The following KIAA1958 variants were observed in gnomAD, a reference collection of about 807,000 sequenced individuals.
The protein encoded by KIAA1958 is uncharacterized protein KIAA1958.
In KIAA1958, 14 loss-of-function variants were observed where a neutral mutation model predicts 47.2. The observed-to-expected ratio is 0.30, with a 90% CI of 0.20 to 0.46. The LOEUF (loss-of-function observed/expected upper bound fraction) is 0.46, where lower values mean the gene tolerates loss of function less well. Among genes scored for constraint, KIAA1958 ranks in the 20% least tolerant of loss-of-function variants. The probability of loss-of-function intolerance (pLI) is 1.00; values close to 1 mark genes in which losing one functional copy is unlikely to be tolerated. For synonymous variants in KIAA1958, 354 were observed against 353.3 expected (o/e 1.00, Z -0.02); for missense variants, 803 against 909.2 (o/e 0.88, Z 1.50).
At chr9:112,530,941 T>C (rs1213766813) in intron 1 of KIAA1958, among the ~76,000 whole-genome samples, 2 of 152,246 alleles carry the variant, frequency 1.3e-5, no homozygotes, top group Non-Finnish European at 2.9e-5. Flanking sequence ...GAGACTGTTA[T>C]GAAACTGTCA....
intron 1 of KIAA1958, among the ~76,000 whole-genome samples, chr9:112,512,397 A>G (rs1017004375): frequency 1.1e-4 from 17 of 152,316 alleles, no homozygotes; most frequent in Middle Eastern, 3.4e-3. Flanking sequence ...AGAAAACCAT[A>G]TGATCATTTG....
At chr9:112,549,207 A>G (rs964329087) in intron 1 of KIAA1958, among the ~76,000 whole-genome samples, 4 of 152,242 alleles carry the variant, frequency 2.6e-5, no homozygotes, top group Admixed American at 6.5e-5. Context: ...ATGCACCTTT[A>G]TATTGCTTGA....
chr9:112,576,637 G>A (rs1316138531), intron 2 of KIAA1958, among the ~76,000 whole-genome samples: 3 of 152,040 alleles, frequency 2.0e-5, no homozygotes, highest in African/African-American at 7.3e-5. Context: ...CTTACACTTA[G>A]CATTATGTTT....
At chr9:112,567,816 G>C (rs2131166178) in intron 1 of KIAA1958, among the ~76,000 whole-genome samples, 1 of 152,032 alleles carries the variant, frequency 6.6e-6, no homozygotes, top group South Asian at 2.1e-4. Flanking sequence ...AAGTTAGCCG[G>C]GCATGATGGC....
chr9:112,500,070 C>T (rs936467208), intron 1 of KIAA1958, among the ~76,000 whole-genome samples: 1 of 151,986 alleles, frequency 6.6e-6, no homozygotes, highest in Non-Finnish European at 1.5e-5. Context: ...AAGTGATTGC[C>T]TCAGAAGTTT....
chr9:112,596,505 A>T (rs990425746), intron 2 of KIAA1958, among the ~76,000 whole-genome samples: 1 of 152,184 alleles, frequency 6.6e-6, no homozygotes, highest in African/African-American at 2.4e-5. Context: ...TGTTTTGCCT[A>T]TACTTATAAA....
rs1275591388 is a variant in KIAA1958 at position 112,664,354 on chromosome 9, T to C, written c.*4285T>C. On this transcript the variant is annotated 3_prime_UTR_variant, in exon 4 of 4. Coordinates refer to ENST00000337530, the MANE Select transcript of KIAA1958 (RefSeq NM_133465.4). ...TTAAATAAAGTAACCGAATGCTAAA[T>C]ATTATCCTTATCAAACATCCATCAC... 1 of 152,266 alleles carries C rather than the reference T, an allele frequency of 6.6e-6. No individual in the cohort carries two copies. Among genetic ancestry groups the C allele is most frequent in the Non-Finnish European group, 1.5e-5 (1 of 68,052 alleles). The allele number at this position is 152,266 out of a possible 1,614,324, so 9.4% of individuals were successfully genotyped here. A position where few individuals can be genotyped will look rare whatever the true frequency, so the allele number is the denominator to read the frequency against.
chr9:112,494,900 G>C (rs922056574), intron 1 of KIAA1958, among the ~76,000 whole-genome samples: 2 of 151,778 alleles, frequency 1.3e-5, no homozygotes, highest in Non-Finnish European at 2.9e-5. Flanking sequence ...TCATTTTTTA[G>C]TTTTTCAATT....
In KIAA1958 at chr9:112,660,322, A is replaced by C. The variant is rs1177724474; in HGVS notation, c.*253A>C. ...GCTTTTAGAATCTAACACAATGTAT[A>C]ATTGTTACATACAAGAGTGAGGAAA... On this transcript the variant is annotated 3_prime_UTR_variant, in exon 4 of 4. Transcript: ENST00000337530. The C allele has an allele frequency of 1.9e-6, 1 of 520,886 alleles. No individual in the cohort carries two copies. The highest frequency in any genetic ancestry group is 1.9e-5 in the African/African-American group (1 of 52,844). 32.3% of individuals were successfully genotyped at this position (520,886 alleles called of 1,614,324 possible).
chr9:112,555,854 C>T (rs937440244), intron 1 of KIAA1958, among the ~76,000 whole-genome samples: 1 of 152,188 alleles, frequency 6.6e-6, no homozygotes, highest in Admixed American at 6.5e-5. Flanking sequence ...GCGGGCAGAT[C>T]ACTTGAGGTC....
intron 1 of KIAA1958, among the ~76,000 whole-genome samples, chr9:112,488,578 G>T (rs1176901973): frequency 6.6e-6 from 1 of 151,776 alleles, no homozygotes; most frequent in Non-Finnish European, 1.5e-5. Context: ...AGTTACCCAG[G>T]AGATTAAAAA....
At chr9:112,543,992 T>G (rs757094719) in intron 1 of KIAA1958, among the ~76,000 whole-genome samples, 1 of 152,228 alleles carries the variant, frequency 6.6e-6, no homozygotes, top group Non-Finnish European at 1.5e-5. Flanking sequence ...TTCCTTTTAT[T>G]TGTATTGCTA....
chr9:112,598,727 CTG>C (rs968022163), intron 2 of KIAA1958, among the ~76,000 whole-genome samples: 1 of 152,084 alleles, frequency 6.6e-6, no homozygotes, highest in Non-Finnish European at 1.5e-5. Context: ...CACAAGAAAA[CTG>C]AAGTGTATAA....
chr9:112,523,512 A>C (rs1335549199), intron 1 of KIAA1958, among the ~76,000 whole-genome samples: 1 of 152,212 alleles, frequency 6.6e-6, no homozygotes, highest in Non-Finnish European at 1.5e-5. Flanking sequence ...TCCTGGATTA[A>C]ATGAAATTTA....
chr9:112,535,792 T>C (rs577694780), intron 1 of KIAA1958, among the ~76,000 whole-genome samples: 6 of 152,280 alleles, frequency 3.9e-5, no homozygotes, highest in African/African-American at 9.6e-5. Flanking sequence ...GCATGAGATA[T>C]TATCTCCTAG....
chr9:112,579,295 T>A (rs1835699461), intron 2 of KIAA1958, among the ~76,000 whole-genome samples: 1 of 152,134 alleles, frequency 6.6e-6, no homozygotes, highest in Non-Finnish European at 1.5e-5. Context: ...CTGTCTTTGG[T>A]ATTTTGCTTA....
chr9:112,617,847 C>A, intron 2 of KIAA1958: 1 of 1,523,978 alleles, frequency 6.6e-7, no homozygotes, highest in South Asian at 1.2e-5. Flanking sequence ...CCCTCTCTAT[C>A]CCTCCCCCCC....
At chr9:112,500,056 A>T (rs1834108573) in intron 1 of KIAA1958, among the ~76,000 whole-genome samples, 1 of 152,104 alleles carries the variant, frequency 6.6e-6, no homozygotes, top group South Asian at 2.1e-4. Context: ...ACTTTCCATT[A>T]ATGAAGTGAT....
rs144681416 is a variant in KIAA1958 at position 112,650,374 on chromosome 9, G to T, written c.1344+4552G>T. 4.3e-3 allele frequency among the ~76,000 whole-genome samples: 654 copies of T among 152,168 alleles called. 6 individuals are homozygous for T. Among genetic ancestry groups the T allele is most frequent in the African/African-American group, 0.015 (620 of 41,526 alleles). On this transcript the variant is annotated intron_variant, in intron 3 of 3. Transcript: ENST00000337530. The stretch of plus-strand genomic sequence containing the variant: ...TTTTCTCATAACAATATATTGCAAG[G>T]TTTATATTTTATATATGGAGGAAAA...
Sources: allele counts gnomAD v4.1 joint callset (sites outside exome capture counted in the v4.1 genomes callset), GRCh38; gene constraint gnomAD v4.1.1; transcripts MANE v1.5; gene names NCBI Gene and HGNC (gene_info 2026-07-23, HGNC 2026-07-21).